The following SLC24A3 variants were observed in gnomAD, a reference collection of about 807,000 sequenced individuals.
The protein encoded by SLC24A3 is solute carrier family 24 member 3, also known as sodium/potassium/calcium exchanger 3.
A neutral mutation model predicts 75.8 loss-of-function variants in SLC24A3; 28 were observed. The observed-to-expected ratio is 0.37, with a 90% CI of 0.27 to 0.51. SLC24A3 has a LOEUF of 0.51. SLC24A3 is among the 20% of genes least tolerant of loss of function. The pLI is 0.94. For synonymous variants in SLC24A3, 372 were observed against 334.1 expected (o/e 1.11, Z -1.24); for missense variants, 663 against 847.8 (o/e 0.78, Z 2.71).
chr20:19,558,452 T>A (rs1367594780), intron 3 of SLC24A3, among the ~76,000 whole-genome samples: 1 of 150,862 alleles, frequency 6.6e-6, no homozygotes, highest in Non-Finnish European at 1.5e-5. Flanking sequence ...AAATTTGACG[T>A]CTACAGACAT....
chr20:19,367,798 C>G (rs941914154), intron 2 of SLC24A3, among the ~76,000 whole-genome samples: 3 of 152,130 alleles, frequency 2.0e-5, no homozygotes, highest in African/African-American at 7.2e-5. Context: ...GCCCTGGGCC[C>G]AGTTCCACTT....
chr20:19,681,752 G>T, intron 9 of SLC24A3, 106 bp from the exon 10 acceptor site: 1 of 1,566,288 alleles, frequency 6.4e-7, no homozygotes. Context: ...GAGGCCTGGT[G>T]ACTGTGCATG....
chr20:19,592,908 G>T (rs1176856146), intron 6 of SLC24A3, among the ~76,000 whole-genome samples: 2 of 148,160 alleles, frequency 1.3e-5, no homozygotes, highest in African/African-American at 5.0e-5. Context: ...CGATTCTCCT[G>T]CCTCAGCCTC....
At chr20:19,648,345 A>C (rs187348160) in intron 6 of SLC24A3, among the ~76,000 whole-genome samples, 2 of 152,332 alleles carry the variant, frequency 1.3e-5, no homozygotes, top group Non-Finnish European at 2.9e-5. Flanking sequence ...TGATTTCTCA[A>C]ATCCCTTTTC....
intron 2 of SLC24A3, among the ~76,000 whole-genome samples, chr20:19,325,803 G>GT (rs1984842914): frequency 1.5e-5 from 1 of 66,264 alleles, no homozygotes; most frequent in African/African-American, 8.0e-5. Context: ...TATAGAGAGA[G>GT]AGAGAGAGAG....
Position 19,716,950 on chromosome 20 carries a change from A to T in SLC24A3, c.1720-578A>T, listed in dbSNP as rs113936600. ...GTTATCCCCATTCTGCAAAAAACAA[A>T]CCTCCAAAAATCCCTTTACTAACAT... is the stretch of plus-strand genomic sequence containing the variant. On this transcript the variant is annotated intron_variant, in intron 15 of 16. Coordinates refer to ENST00000328041, the MANE Select transcript of SLC24A3 (RefSeq NM_020689.4). Among the ~76,000 whole-genome samples, 17 of 152,246 alleles carry T rather than the reference A, an allele frequency of 1.1e-4. 1 individual carries two copies. Among genetic ancestry groups the T allele is most frequent in the African/African-American group, 3.9e-4 (16 of 41,540 alleles).
intron 2 of SLC24A3, among the ~76,000 whole-genome samples, chr20:19,512,713 G>A (rs895176468): frequency 5.9e-5 from 9 of 152,226 alleles, no homozygotes; most frequent in African/African-American, 2.2e-4. Context: ...AGCTGGGCTG[G>A]GGAGAACCCA....
rs531651861 is a variant in SLC24A3 at position 19,486,189 on chromosome 20, T to C, written c.272-29299T>C. ...GAAGGAGAGTCTCCCTTCTAGTCCA[T>C]GGTACTAAGTAGGGAAACAGAATTT... On this transcript the variant is annotated intron_variant, in intron 2 of 16. Coordinates refer to ENST00000328041, the MANE Select transcript of SLC24A3 (RefSeq NM_020689.4). 1.1e-4 allele frequency among the ~76,000 whole-genome samples: 16 copies of C among 152,148 alleles called. No individual in the cohort carries two copies. In the South Asian group the frequency reaches 1.2e-3, roughly 12 times the overall value.
chr20:19,653,873 T>G (rs1387605231), intron 6 of SLC24A3, among the ~76,000 whole-genome samples, 189 bp from the exon 7 acceptor site: 1 of 152,196 alleles, frequency 6.6e-6, no homozygotes, highest in Non-Finnish European at 1.5e-5. Flanking sequence ...CAGGTTTAAT[T>G]GTATCTTCAT....
intron 2 of SLC24A3, among the ~76,000 whole-genome samples, chr20:19,495,757 G>A (rs3790230): frequency 0.45 from 67,715 of 151,970 alleles, 15,546 homozygotes; most frequent in African/African-American, 0.55. Context: ...AATGGTCACA[G>A]AAAAGTACAA....
intron 2 of SLC24A3, among the ~76,000 whole-genome samples, chr20:19,504,722 G>A (rs374629357): frequency 1.3e-5 from 2 of 152,314 alleles, no homozygotes; most frequent in African/African-American, 4.8e-5. Flanking sequence ...GGCACCAAGG[G>A]ACACTTTGAG....
At chr20:19,650,890 A>G (rs890791545) in intron 6 of SLC24A3, among the ~76,000 whole-genome samples, 3 of 152,120 alleles carry the variant, frequency 2.0e-5, no homozygotes, top group Admixed American at 6.5e-5. Context: ...TGTACGTTCA[A>G]AATTATCAAC....
At chr20:19,563,122 T>A (rs978387789) in intron 3 of SLC24A3, among the ~76,000 whole-genome samples, 1 of 152,152 alleles carries the variant, frequency 6.6e-6, no homozygotes, top group Admixed American at 6.5e-5. Context: ...TGAAGACAAA[T>A]TAATCCGCAC....
chr20:19,693,125 A>G lies in SLC24A3; in HGVS notation c.1325-134A>G, dbSNP rs1345006403. 91 of 958,134 alleles carry G rather than the reference A, an allele frequency of 9.5e-5. 1 individual carries two copies. In the South Asian group the frequency reaches 1.1e-3, roughly 11 times the overall value. The allele number at this position is 958,134 out of a possible 1,614,324, so 59.4% of individuals were successfully genotyped here. A position where few individuals can be genotyped will look rare whatever the true frequency, so the allele number is the denominator to read the frequency against. On this transcript the variant is annotated intron_variant, in intron 12 of 16. Coordinates refer to ENST00000328041, the MANE Select transcript of SLC24A3 (RefSeq NM_020689.4). ...TGATGGAAAGTCATTTGAATGTTTT[A>G]GAAAAAGAGCAATATAATAAGGTTT...
chr20:19,515,888 G>T (rs948092595), intron 3 of SLC24A3, among the ~76,000 whole-genome samples: 1 of 152,102 alleles, frequency 6.6e-6, no homozygotes, highest in African/African-American at 2.4e-5. Context: ...TTTCCTAACT[G>T]GCCTTTCTGA....
chr20:19,600,959 C>A (rs927441335), intron 6 of SLC24A3, among the ~76,000 whole-genome samples: 3 of 152,180 alleles, frequency 2.0e-5, no homozygotes, highest in Non-Finnish European at 2.9e-5. Context: ...CTGCACCTGG[C>A]CAACGCTAAG....
chr20:19,549,482 G>C (rs1244735839), intron 3 of SLC24A3, among the ~76,000 whole-genome samples: 1 of 152,142 alleles, frequency 6.6e-6, no homozygotes, highest in Non-Finnish European at 1.5e-5. Flanking sequence ...ACTAGATTCA[G>C]CCTCAAAAAC....
At chr20:19,495,786 C>A (rs1169450384) in intron 2 of SLC24A3, among the ~76,000 whole-genome samples, 1 of 152,122 alleles carries the variant, frequency 6.6e-6, no homozygotes, top group Non-Finnish European at 1.5e-5. Context: ...ATTCTGAAAC[C>A]CAACTTGCCA....
At chr20:19,245,139 G>A (rs748425216) in intron 1 of SLC24A3, among the ~76,000 whole-genome samples, 2 of 152,104 alleles carry the variant, frequency 1.3e-5, no homozygotes, top group Non-Finnish European at 2.9e-5. Flanking sequence ...AGGTGGGGCT[G>A]GGGGAGTCTT....
Sources: gnomAD v4.1 joint callset for allele counts (sites outside exome capture counted in the v4.1 genomes callset) on GRCh38, gnomAD v4.1.1 for gene constraint, MANE v1.5 for transcripts, NCBI Gene and HGNC (gene_info 2026-07-23, HGNC 2026-07-21) for gene names.